Variants in NBPF14 observed in about 807,000 individuals in gnomAD.
NBPF14 encodes NBPF family member NBPF14.
NBPF14 carries 104 observed loss-of-function variants against 91.2 expected under a neutral mutation model. That is an observed-to-expected ratio of 1.14 (90% CI 0.97 to 1.34). The LOEUF (loss-of-function observed/expected upper bound fraction) is 1.34, where lower values mean the gene tolerates loss of function less well. Among genes scored for constraint, NBPF14 ranks in the 40% most tolerant of loss-of-function variants. The pLI is 0.00. For synonymous variants in NBPF14, 294 were observed against 303.8 expected (o/e 0.97, Z 0.34); for missense variants, 908 against 783.0 (o/e 1.16, Z -1.91).
At chr1:148,580,960 A>C (rs1348921409) in intron 12 of NBPF14, among the ~76,000 whole-genome samples, 2 of 97,030 alleles carry the variant, frequency 2.1e-5, no homozygotes, top group Non-Finnish European at 4.2e-5. Context: ...TCACCCATTA[A>C]CTCATCATTT....
Position 148,559,399 on chromosome 1 carries a change from T to A in NBPF14, c.4730-327A>T, listed in dbSNP as rs1434660347. ...ATGGTTGCTAGGAGAAAAACTGCAC[T>A]ATTCACCCTGTCTCATCAAATACTC... On this transcript the variant is annotated intron_variant, in intron 37 of 70. Coordinates refer to ENST00000619423, the Ensembl canonical transcript of NBPF14. Among the ~76,000 whole-genome samples the A allele has an allele frequency of 2.2e-5, 3 of 134,196 alleles. 1 individual carries two copies. Among genetic ancestry groups the A allele is most frequent in the African/African-American group, 1.1e-4 (3 of 28,266 alleles). 88.0% of individuals were successfully genotyped at this position (134,196 alleles called of 152,430 possible).
At position 148,559,805 on chromosome 1, in the gene NBPF14, C is replaced by G. The variant is rs1321006217; in HGVS notation, c.4717G>C (p.Val1573Leu). 62 of 1,523,894 alleles carry G rather than the reference C, an allele frequency of 4.1e-5. 3 individuals are homozygous for G. The highest frequency in any genetic ancestry group is 4.8e-5 in the Non-Finnish European group (55 of 1,138,314). 94.4% of individuals were successfully genotyped at this position (1,523,894 alleles called of 1,614,324 possible). ...GAAAGGTACTCACCATCCATGTCAA[C>G]AGCCAAGCCAACACGCTGCTGCTCC... Residue 1573 changes from valine to leucine, a missense_variant, in exon 37 of 71, where the codon GTT becomes CTT. This residue lies in a region of NBPF14 where 447 missense variants were observed against 189.1 expected (regional missense o/e 2.36). Transcript: ENST00000619423.
chr1:148,559,547 A>G (rs1473122620), intron 37 of NBPF14, among the ~76,000 whole-genome samples: 5 of 121,454 alleles, frequency 4.1e-5, no homozygotes, highest in Non-Finnish European at 7.8e-5. Flanking sequence ...CCCAGGTCCA[A>G]TGTCATGAGA....
At chr1:148,578,839 C>T (rs1167084319) in intron 13 of NBPF14, among the ~76,000 whole-genome samples, 5 of 149,782 alleles carry the variant, frequency 3.3e-5, no homozygotes, top group African/African-American at 1.2e-4. Flanking sequence ...TCGTGACAGT[C>T]AGTCCAGGTT....
chr1:148,586,816 G>A (rs1306576220), intron 8 of NBPF14, among the ~76,000 whole-genome samples: 5 of 137,776 alleles, frequency 3.6e-5, no homozygotes, highest in Admixed American at 1.5e-4. Context: ...TGCATCTTGC[G>A]GCCACTAGAT....
At chr1:148,575,864 C>G (rs1659597846) in intron 16 of NBPF14, 53 bp from the exon 17 acceptor site, 4 of 292,050 alleles carry the variant, frequency 1.4e-5, no homozygotes, top group Admixed American at 1.1e-4. Context: ...AGAAACCACA[C>G]AGCCCCAGCT....
At chr1:148,538,202 A>G (rs1206330824) in intron 64 of NBPF14, among the ~76,000 whole-genome samples, 196 bp from the exon 65 acceptor site, 112 of 55,054 alleles carry the variant, frequency 2.0e-3, no homozygotes, top group African/African-American at 8.0e-3. Flanking sequence ...AAAGACAGAT[A>G]GACACACACA....
intron 6 of NBPF14, among the ~76,000 whole-genome samples, chr1:148,589,952 G>T (rs1353637786): frequency 6.8e-6 from 1 of 146,922 alleles, no homozygotes; most frequent in African/African-American, 2.5e-5. Flanking sequence ...GGCTGGTTTC[G>T]AACTCCTGAG....
At chr1:148,559,828 T>G in exon 37 of NBPF14, 3 of 1,535,022 alleles carry the variant, frequency 2.0e-6, no homozygotes, top group Non-Finnish European at 2.6e-6. Flanking sequence ...ACGCTGCTGC[T>G]CCAATATGTA....
At chr1:148,566,685 A>G (rs1488376086) in intron 28 of NBPF14, among the ~76,000 whole-genome samples, 1 of 125,060 alleles carries the variant, frequency 8.0e-6, no homozygotes, top group Non-Finnish European at 1.7e-5. Flanking sequence ...ATAATTTTCC[A>G]TAAAATGTGC....
rs1409782836 is a variant in NBPF14 at position 148,595,066 on chromosome 1, G to A, written c.175+477C>T. ...CTATTAGGAGCAGACTCCCCTTGAAGCCCCTCAGAGCAGGTACTGGCTACT... is the reference window on the plus strand; with the variant it reads ...CTATTAGGAGCAGACTCCCCTTGAAACCCCTCAGAGCAGGTACTGGCTACT... On this transcript the variant is annotated intron_variant, in intron 2 of 70. Coordinates refer to ENST00000619423, the Ensembl canonical transcript of NBPF14. Among the ~76,000 whole-genome samples, 279 of 139,918 alleles carry A rather than the reference G, an allele frequency of 2.0e-3. 5 individuals are homozygous for A. The highest frequency in any genetic ancestry group is 7.0e-3 in the African/African-American group (264 of 37,466). 91.8% of individuals were successfully genotyped at this position (139,918 alleles called of 152,430 possible).
At chr1:148,559,695 T>C (rs1657350015) in intron 37 of NBPF14, 98 bp downstream of exon 37, 1 of 700,206 alleles carries the variant, frequency 1.4e-6, no homozygotes, top group Non-Finnish European at 2.4e-6. Flanking sequence ...CCTGTGGCAA[T>C]GACATCTCTC....
rs1654969928 is a variant in NBPF14, at chr1:148,535,519, G to C, written c.8390-15C>G. On this transcript the variant is annotated splice_polypyrimidine_tract_variant and intron_variant, in intron 67 of 70. Transcript: ENST00000619423. ...CTTTTCAATTTCTGCAATAAGTTCA[G>C]ACATGGACAGACATATTAAGCTGGT... is the stretch of plus-strand genomic sequence containing the variant. The C allele has an allele frequency of 2.6e-6, 1 of 387,848 alleles. No individual in the cohort carries two copies. Among genetic ancestry groups the C allele is most frequent in the Non-Finnish European group, 4.3e-6 (1 of 230,816 alleles). 24.0% of individuals were successfully genotyped at this position (387,848 alleles called of 1,614,324 possible). A position where few individuals can be genotyped will look rare whatever the true frequency, so the allele number is the denominator to read the frequency against.
rs1167097729 is a variant in NBPF14, at chr1:148,534,579, C to T, written c.8614+105G>A. ...TATATGCGCCCATAGGTCCTGCCTG[C>T]GGCAATGACATCTCTCGGGTGAGTA... On this transcript the variant is annotated intron_variant, in intron 69 of 70. Transcript: ENST00000619423. 76 of 816,972 alleles carry T rather than the reference C, an allele frequency of 9.3e-5. 2 individuals are homozygous for T. Among genetic ancestry groups the T allele is most frequent in the Admixed American group, 3.7e-4 (21 of 56,968 alleles). The allele number at this position is 816,972 out of a possible 1,614,324, so 50.6% of individuals were successfully genotyped here. A position where few individuals can be genotyped will look rare whatever the true frequency, so the allele number is the denominator to read the frequency against.
At chr1:148,534,765 G>C (rs1358249870) in exon 69 of NBPF14, 2 of 828,978 alleles carry the variant, frequency 2.4e-6, no homozygotes, top group Non-Finnish European at 4.2e-6. Context: ...AAGTCAGGCA[G>C]TTCAAGATAA....
rs587727647 is a variant in NBPF14, at chr1:148,534,187, C to A, written c.8615-218G>T. On this transcript the variant is annotated intron_variant, in intron 69 of 70. Transcript: ENST00000619423. Reference sequence around the variant, plus strand: ...GTAAAATGTCCCTATTCTAGTAGATCGTTATCCCAATATCATTTGTCCCAA... The same window carrying A: ...GTAAAATGTCCCTATTCTAGTAGATAGTTATCCCAATATCATTTGTCCCAA... Among the ~76,000 whole-genome samples, 3 of 149,930 alleles carry A rather than the reference C, an allele frequency of 2.0e-5. No homozygotes were observed. The South Asian group carries it at 6.3e-4, about 32-fold the overall frequency.
chr1:148,566,682 T>C (rs1658491343), intron 28 of NBPF14, among the ~76,000 whole-genome samples: 2 of 125,934 alleles, frequency 1.6e-5, no homozygotes, highest in African/African-American at 3.0e-5. Flanking sequence ...TCAATAATTT[T>C]CCATAAAATG....
chr1:148,566,390 G>A (rs1407201377), intron 28 of NBPF14, 75 bp from the exon 29 acceptor site: 9 of 702,396 alleles, frequency 1.3e-5, no homozygotes, highest in African/African-American at 1.1e-4. Context: ...GGTTTCATGG[G>A]TAGCATAGGG....
intron 9 of NBPF14, among the ~76,000 whole-genome samples, chr1:148,585,695 G>A (rs1163895283): frequency 6.7e-6 from 1 of 149,042 alleles, no homozygotes; most frequent in East Asian, 1.9e-4. Context: ...GAGTGCTCCA[G>A]TCTGAAGCAC....
Sources: gnomAD v4.1 joint callset for allele counts (sites outside exome capture counted in the v4.1 genomes callset) on GRCh38, gnomAD v4.1.1 for gene constraint, gnomAD v4.1.1 regional missense constraint, MANE v1.5 for transcripts, NCBI Gene and HGNC (gene_info 2026-07-23, HGNC 2026-07-21) for gene names.